The following ZBTB25 variants were observed in gnomAD, a reference collection of about 807,000 sequenced individuals.
ZBTB25 encodes zinc finger and BTB domain-containing protein 25.
ZBTB25 carries 20 observed loss-of-function variants against 34.2 expected under a neutral mutation model. That is an observed-to-expected ratio of 0.58 (90% CI 0.41 to 0.85). The LOEUF is 0.85. Ranked by LOEUF, ZBTB25 falls within the 40% of genes least tolerant of loss-of-function variation. The probability of loss-of-function intolerance (pLI) is 0.00; values close to 1 mark genes in which losing one functional copy is unlikely to be tolerated. For missense variants in ZBTB25, 437 were observed against 521.8 expected, an observed-to-expected ratio of 0.84 and a Z score of 1.58; for synonymous variants, 175 against 186.4, an observed-to-expected ratio of 0.94 and a Z score of 0.50.
intron 2 of ZBTB25, chr14:64,469,934 T>C (rs3742609): frequency 0.077 from 25,842 of 333,554 alleles, 1,215 homozygotes; most frequent in East Asian, 0.17. Flanking sequence ...GTTGCTAAAA[T>C]GGCATATGGA....
At chr14:64,494,607 C>A (rs1169552598) in intron 1 of ZBTB25, among the ~76,000 whole-genome samples, 3 of 151,746 alleles carry the variant, frequency 2.0e-5, no homozygotes, top group African/African-American at 4.9e-5. Flanking sequence ...CCAGCCTGGG[C>A]AACAGAGCGA....
At chr14:64,459,676 G>C in intron 2 of ZBTB25, 1 of 1,174,982 alleles carries the variant, frequency 8.5e-7, no homozygotes, top group Non-Finnish European at 1.2e-6. Context: ...CAATGTGAGT[G>C]GGTAATGGTG....
intron 2 of ZBTB25, among the ~76,000 whole-genome samples, chr14:64,466,874 A>C (rs2078617789): frequency 6.6e-6 from 1 of 152,184 alleles, no homozygotes; most frequent in Non-Finnish European, 1.5e-5. Context: ...CTTTGGTGCC[A>C]TCATACCATT....
exon 3 of ZBTB25, chr14:64,449,290 G>GT (rs1470996927): frequency 1.2e-6 from 1 of 803,516 alleles, no homozygotes; most frequent in African/African-American, 1.7e-5. Context: ...TCACCAGCTA[G>GT]TAAGTTTCGG....
rs969705597 is a variant in ZBTB25 at position 64,485,614 on chromosome 14, T to G, written c.*1309A>C. ...AAAAGCTAACATCATGGATCTTAAATGTAGTTATAGAACACTGAATGTATC... is the reference window on the plus strand; with the variant it reads ...AAAAGCTAACATCATGGATCTTAAAGGTAGTTATAGAACACTGAATGTATC... On this transcript the variant is annotated 3_prime_UTR_variant, in exon 3 of 3. Coordinates refer to ENST00000608382, the MANE Select transcript of ZBTB25 (RefSeq NM_006977.5). 1 of 985,300 alleles carries G rather than the reference T, an allele frequency of 1.0e-6. No homozygotes were observed. Among genetic ancestry groups the G allele is most frequent in the Admixed American group, 6.1e-5 (1 of 16,272 alleles). 61.0% of individuals were successfully genotyped at this position (985,300 alleles called of 1,614,324 possible).
chr14:64,458,057 A>T (rs1250367759), intron 2 of ZBTB25: 5 of 698,924 alleles, frequency 7.2e-6, no homozygotes, highest in Admixed American at 6.3e-5. Flanking sequence ...TATCCAGCTA[A>T]TTTTTTATTT....
chr14:64,475,659 G>C (rs2078713101), downstream of ZBTB25, among the ~76,000 whole-genome samples: 1 of 152,108 alleles, frequency 6.6e-6, no homozygotes, highest in South Asian at 2.1e-4. Context: ...CCCGAGCTTA[G>C]GAAAGAGAGT....
intron 2 of ZBTB25, chr14:64,453,785 C>T (rs958979720): frequency 8.7e-6 from 14 of 1,612,020 alleles, no homozygotes; most frequent in Middle Eastern, 1.6e-4. Context: ...AGGATCATTG[C>T]ACAGAAGATC....
At chr14:64,474,927 T>C (rs1224229256), downstream of ZBTB25, among the ~76,000 whole-genome samples, 1 of 152,192 alleles carries the variant, frequency 6.6e-6, no homozygotes, top group Non-Finnish European at 1.5e-5. Context: ...AAGACACTGA[T>C]TTCATTTTGG....
intron 2 of ZBTB25, among the ~76,000 whole-genome samples, chr14:64,466,938 T>C (rs575293729): frequency 3.3e-4 from 51 of 152,352 alleles, no homozygotes; most frequent in Non-Finnish European, 6.6e-4. Flanking sequence ...GCCAATTGCA[T>C]AGTTTGCCAA....
chr14:64,472,816 T>C (rs1378942204), intron 2 of ZBTB25: 2 of 167,020 alleles, frequency 1.2e-5, no homozygotes, highest in African/African-American at 4.8e-5. Context: ...TTTGACCTTA[T>C]ATGCAAACGT....
intron 1 of ZBTB25, among the ~76,000 whole-genome samples, chr14:64,491,706 G>A (rs1030037587): frequency 6.6e-6 from 1 of 152,176 alleles, no homozygotes; most frequent in Non-Finnish European, 1.5e-5. Context: ...ACTGTGGAGA[G>A]AGCCCTGGTA....
intron 2 of ZBTB25, chr14:64,465,394 G>GCGGTCGCCCCGCGCCTCCC (rs2078600650): frequency 6.6e-6 from 1 of 151,562 alleles, no homozygotes; most frequent in Non-Finnish European, 1.5e-5. Context: ...CCGCGCCTCC[G>GCGGTCGCCCCGCGCCTCCC]GCGGTCGCCC....
At chr14:64,461,595 A>AG (rs1162080083) in intron 2 of ZBTB25, 8 of 30,940 alleles carry the variant, frequency 2.6e-4, no homozygotes, top group East Asian at 8.0e-4. Flanking sequence ...TTTTTTTGGC[A>AG]GGGGGGGTAG....
intron 2 of ZBTB25, chr14:64,460,207 A>C (rs963910880): frequency 3.6e-5 from 13 of 359,144 alleles, no homozygotes; most frequent in African/African-American, 2.6e-4. Flanking sequence ...GGACCTCCTG[A>C]GAGGGTTGGG....
Position 64,484,262 on chromosome 14 carries a change from T to A in ZBTB25, c.*2661A>T, listed in dbSNP as rs1211640632. On this transcript the variant is annotated 3_prime_UTR_variant, in exon 3 of 3. Coordinates refer to ENST00000608382, the MANE Select transcript of ZBTB25 (RefSeq NM_006977.5). Reference sequence around the variant, plus strand: ...AATGAGTGTTGTCTATCACGGCCAATCAGCTGCTAGCAAACTCTTACCATT... The same window carrying A: ...AATGAGTGTTGTCTATCACGGCCAAACAGCTGCTAGCAAACTCTTACCATT... 1 of 152,238 alleles carries A rather than the reference T, an allele frequency of 6.6e-6. No homozygotes were observed. Among genetic ancestry groups the A allele is most frequent in the Non-Finnish European group, 1.5e-5 (1 of 68,048 alleles). 9.4% of individuals were successfully genotyped at this position (152,238 alleles called of 1,614,324 possible).
At chr14:64,504,687 T>G (rs1180319595), upstream of ZBTB25, 4 of 361,542 alleles carry the variant, frequency 1.1e-5, no homozygotes, top group Non-Finnish European at 2.0e-5. Context: ...AGCGAACTGG[T>G]GGGCAGACCC....
intron 1 of ZBTB25, 149 bp downstream of exon 1, chr14:64,503,512 G>A (rs2079568322): frequency 4.8e-5 from 47 of 985,772 alleles, no homozygotes; most frequent in Non-Finnish European, 5.7e-5. Flanking sequence ...TGCCCTGCCT[G>A]ACATCTCAAT....
chr14:64,495,468 G>A (rs1187774237), intron 1 of ZBTB25, among the ~76,000 whole-genome samples: 1 of 152,150 alleles, frequency 6.6e-6, no homozygotes. Context: ...TGATCACTGT[G>A]AGCTCTGTCC....
Sources: gnomAD v4.1 joint callset for allele counts (sites outside exome capture counted in the v4.1 genomes callset) on GRCh38, gnomAD v4.1.1 for gene constraint, MANE v1.5 for transcripts, NCBI Gene and HGNC (gene_info 2026-07-23, HGNC 2026-07-21) for gene names.